Variants in NKAIN3 observed in about 807,000 individuals in gnomAD.
NKAIN3 encodes the protein sodium/potassium-transporting ATPase subunit beta-1-interacting protein 3.
Under a neutral mutation model 30.2 loss-of-function variants are expected in NKAIN3, and 25 were observed. The observed-to-expected ratio is 0.83, with a 90% CI of 0.60 to 1.16. NKAIN3 has a LOEUF of 1.16. Among genes scored for constraint, NKAIN3 ranks in the 50% most tolerant of loss-of-function variants. NKAIN3 has a pLI of 0.00. For missense variants in NKAIN3, 225 were observed against 254.1 expected (o/e 0.89, Z 0.78); for synonymous variants, 91 against 89.6 (o/e 1.02, Z -0.09).
At chr8:62,626,777 A>C (rs1327158761) in intron 3 of NKAIN3, among the ~76,000 whole-genome samples, 1 of 152,128 alleles carries the variant, frequency 6.6e-6, no homozygotes, top group Non-Finnish European at 1.5e-5. Flanking sequence ...CTTAAACGAA[A>C]CAGCAAAATA....
At chr8:62,660,111 C>T (rs536768984) in intron 3 of NKAIN3, among the ~76,000 whole-genome samples, 1 of 152,266 alleles carries the variant, frequency 6.6e-6, no homozygotes, top group East Asian at 1.9e-4. Context: ...AGAGCCACTC[C>T]CAAGTTACCA....
chr8:62,841,748 C>G (rs1358029732), intron 4 of NKAIN3, among the ~76,000 whole-genome samples: 2 of 152,112 alleles, frequency 1.3e-5, no homozygotes, highest in Non-Finnish European at 2.9e-5. Context: ...ATCTTGACTA[C>G]TGCGGATAAT....
At chr8:62,718,926 T>C (rs1198257273) in intron 3 of NKAIN3, among the ~76,000 whole-genome samples, 1 of 152,250 alleles carries the variant, frequency 6.6e-6, no homozygotes, top group Non-Finnish European at 1.5e-5. Flanking sequence ...CTGCTCATTA[T>C]ATATCTGACC....
chr8:62,697,962 C>A (rs141807748), intron 3 of NKAIN3, among the ~76,000 whole-genome samples: 1 of 151,900 alleles, frequency 6.6e-6, no homozygotes, highest in East Asian at 1.9e-4. Flanking sequence ...ATATCAATAC[C>A]AATAAAATAT....
chr8:62,571,090 G>A (rs1201396188), intron 1 of NKAIN3, among the ~76,000 whole-genome samples: 1 of 151,158 alleles, frequency 6.6e-6, no homozygotes, highest in African/African-American at 2.4e-5. Context: ...AGCTAAGTTG[G>A]TATTTCCTAG....
chr8:62,364,699 C>T (rs1057355856), intron 1 of NKAIN3, among the ~76,000 whole-genome samples: 2 of 151,504 alleles, frequency 1.3e-5, no homozygotes, highest in Admixed American at 6.6e-5. Context: ...ATTAGCAGAG[C>T]CTGGTGGCGG....
At chr8:62,531,216 A>T (rs1808480029) in intron 1 of NKAIN3, among the ~76,000 whole-genome samples, 2 of 152,002 alleles carry the variant, frequency 1.3e-5, no homozygotes, top group Non-Finnish European at 2.9e-5. Flanking sequence ...CTCACCAAAG[A>T]CCCAATGGTA....
intron 4 of NKAIN3, among the ~76,000 whole-genome samples, chr8:62,803,402 A>G (rs1368143563): frequency 1.3e-5 from 2 of 152,364 alleles, no homozygotes; most frequent in East Asian, 3.9e-4. Flanking sequence ...AACAGATATT[A>G]TAACAAACTG....
At chr8:62,888,541 G>T (rs1403293673) in intron 4 of NKAIN3, among the ~76,000 whole-genome samples, 1 of 152,100 alleles carries the variant, frequency 6.6e-6, no homozygotes, top group Non-Finnish European at 1.5e-5. Context: ...CTCCAATTTT[G>T]GGAGCAGTGG....
rs1161114521 is a variant in NKAIN3 at position 62,506,233 on chromosome 8, G to GGGC, written c.55-73304_55-73303insCGG. On this transcript the variant is annotated intron_variant, in intron 1 of 6. Transcript: ENST00000623646. Reference sequence around the variant, plus strand: ...AGGGATCCATATGAGAATATTGGGGGGGGGGACATTATTTCACCTGCCATA... The same window carrying GGGC: ...AGGGATCCATATGAGAATATTGGGGGGGCGGGGGACATTATTTCACCTGCCATA... 2.8e-4 allele frequency among the ~76,000 whole-genome samples: 42 copies of GGGC among 147,514 alleles called. No individual in the cohort carries two copies. The East Asian group carries it at 6.2e-3, about 22-fold the overall frequency.
intron 1 of NKAIN3, among the ~76,000 whole-genome samples, chr8:62,286,558 G>A (rs1057312184): frequency 3.9e-5 from 6 of 152,002 alleles, no homozygotes; most frequent in African/African-American, 1.4e-4. Context: ...TAAATGAATA[G>A]GTTTCTATTA....
intron 1 of NKAIN3, among the ~76,000 whole-genome samples, chr8:62,259,800 C>G (rs892051791): frequency 4.6e-5 from 7 of 152,102 alleles, no homozygotes; most frequent in Admixed American, 3.3e-4. Flanking sequence ...GGTTGCTGTT[C>G]TGTTTGACAC....
intron 1 of NKAIN3, among the ~76,000 whole-genome samples, chr8:62,439,054 G>T (rs984066207): frequency 6.6e-6 from 1 of 152,154 alleles, no homozygotes; most frequent in Non-Finnish European, 1.5e-5. Flanking sequence ...GGCAAATTAG[G>T]CAAGACCTCC....
At chr8:62,323,462 A>G (rs1815009813) in intron 1 of NKAIN3, among the ~76,000 whole-genome samples, 1 of 152,234 alleles carries the variant, frequency 6.6e-6, no homozygotes, top group African/African-American at 2.4e-5. Context: ...ATCCTTGGAA[A>G]CAAGAATAAA....
intron 3 of NKAIN3, among the ~76,000 whole-genome samples, chr8:62,618,913 A>C (rs1461752807): frequency 4.6e-5 from 7 of 152,104 alleles, no homozygotes; most frequent in Admixed American, 2.0e-4. Flanking sequence ...CTCAAAAAAA[A>C]CAAAAGAAAA....
At chr8:62,320,635 T>G (rs1814849478) in intron 1 of NKAIN3, among the ~76,000 whole-genome samples, 1 of 152,198 alleles carries the variant, frequency 6.6e-6, no homozygotes, top group Admixed American at 6.5e-5. Flanking sequence ...GAAAATTCTT[T>G]TCTTTAAGAA....
At chr8:62,693,787 A>G (rs1814060345) in intron 3 of NKAIN3, among the ~76,000 whole-genome samples, 1 of 152,122 alleles carries the variant, frequency 6.6e-6, no homozygotes, top group African/African-American at 2.4e-5. Context: ...GGCTCTGAAA[A>G]ATCCAACTAA....
In NKAIN3 at chr8:62,981,527, A is replaced by G. The variant is rs531190597; in HGVS notation, c.*16120A>G. The stretch of plus-strand genomic sequence containing the variant: ...GCAAAATGCCTGACACAGACTAACA[A>G]AGCTCTTTCTCATCCTGTGGTAGGA... On this transcript the variant is annotated 3_prime_UTR_variant, in exon 7 of 7. Coordinates refer to ENST00000623646, the MANE Select transcript of NKAIN3 (RefSeq NM_001304533.3). 3.3e-5 allele frequency: 5 copies of G among 152,308 alleles called. No individual in the cohort carries two copies. The highest frequency in any genetic ancestry group is 1.2e-4 in the African/African-American group (5 of 41,572). The allele number at this position is 152,308 out of a possible 1,614,324, so 9.4% of individuals were successfully genotyped here.
At chr8:62,553,548 T>TG (rs1713735433) in intron 1 of NKAIN3, among the ~76,000 whole-genome samples, 1 of 151,858 alleles carries the variant, frequency 6.6e-6, no homozygotes, top group Non-Finnish European at 1.5e-5. Flanking sequence ...ACTTTTTTTT[T>TG]TTTTTTGAGA....
Sources: gnomAD v4.1 joint callset for allele counts (sites outside exome capture counted in the v4.1 genomes callset) on GRCh38, gnomAD v4.1.1 for gene constraint, MANE v1.5 for transcripts, NCBI Gene and HGNC (gene_info 2026-07-23, HGNC 2026-07-21) for gene names.